ATXN7L1: variants seen among roughly 807,000 people sequenced by gnomAD.
The protein encoded by ATXN7L1 is ataxin 7 like 1.
ATXN7L1 carries 15 observed loss-of-function variants against 70.8 expected under a neutral mutation model. The ratio of observed to expected loss-of-function variants is 0.21; its 90% confidence interval spans 0.14 to 0.33. The LOEUF (loss-of-function observed/expected upper bound fraction) is 0.33. ATXN7L1 is among the 10% of genes least tolerant of loss of function. The pLI, the probability that ATXN7L1 is intolerant of heterozygous loss-of-function variation, is 1.00. For synonymous variants in ATXN7L1, 440 were observed against 445.1 expected, an observed-to-expected ratio of 0.99 and a Z score of 0.14; for missense variants, 975 against 1,097.1, an observed-to-expected ratio of 0.89 and a Z score of 1.57.
chr7:105,876,088 C>A (rs972722283), intron 1 of ATXN7L1, among the ~76,000 whole-genome samples: 6 of 152,160 alleles, frequency 3.9e-5, no homozygotes, highest in African/African-American at 1.2e-4. Context: ...AAAAACTATG[C>A]AAGCAGCAAC....
chr7:105,722,064 C>T (rs543217608), intron 3 of ATXN7L1, among the ~76,000 whole-genome samples: 47 of 152,274 alleles, frequency 3.1e-4, no homozygotes, highest in African/African-American at 1.1e-3. Context: ...AGTTGCCTGT[C>T]CCAACTGCAT....
chr7:105,666,215 G>A (rs911406890), intron 3 of ATXN7L1, among the ~76,000 whole-genome samples: 21 of 152,300 alleles, frequency 1.4e-4, no homozygotes, highest in African/African-American at 5.1e-4. Context: ...ATGATTACAG[G>A]AAGGAATCCC....
intron 7 of ATXN7L1, among the ~76,000 whole-genome samples, chr7:105,624,666 A>AAC (rs55770482): frequency 2.0e-5 from 3 of 150,714 alleles, no homozygotes; most frequent in Non-Finnish European, 4.4e-5. Context: ...AAAAAAAAAA[A>AAC]CAGCCTGATT....
chr7:105,625,966 G>A (rs1795642796), intron 7 of ATXN7L1, among the ~76,000 whole-genome samples: 1 of 152,206 alleles, frequency 6.6e-6, no homozygotes, highest in Non-Finnish European at 1.5e-5. Flanking sequence ...TTTGAAAGCT[G>A]CTCCTTCAAG....
At position 105,776,520 on chromosome 7, in the gene ATXN7L1, CA is replaced by C. The variant is rs1332356077; in HGVS notation, c.355+12083del. Among the ~76,000 whole-genome samples, 3 of 148,294 alleles carry C rather than the reference CA, an allele frequency of 2.0e-5. No homozygotes were observed. The East Asian group carries it at 5.9e-4, about 29-fold the overall frequency. On this transcript the variant is annotated intron_variant, in intron 3 of 11. Transcript: ENST00000419735. ...CCCCCCCCCAAAACAAACAAACAAA[CA>C]AAAAACAGTATATTGGGCATCAACT...
chr7:105,762,882 C>G (rs758545885), intron 3 of ATXN7L1, among the ~76,000 whole-genome samples: 54 of 152,210 alleles, frequency 3.5e-4, no homozygotes, highest in Non-Finnish European at 5.9e-4. Flanking sequence ...GGGAAGTCAA[C>G]TGCTATGCTG....
chr7:105,747,678 C>T (rs493568), intron 3 of ATXN7L1, among the ~76,000 whole-genome samples: 107,156 of 152,042 alleles, frequency 0.7, 39,157 homozygotes, highest in East Asian at 1. Context: ...GGGACTGAGT[C>T]TTGGGGACTG....
At chr7:105,860,138 TATATATATAC>T (rs759689757) in intron 2 of ATXN7L1, among the ~76,000 whole-genome samples, 4,966 of 80,856 alleles carry the variant, frequency 0.061, 311 homozygotes, top group African/African-American at 0.13. Flanking sequence ...AATATATATA[TATATATATAC>T]ATATATATAT....
intron 2 of ATXN7L1, among the ~76,000 whole-genome samples, chr7:105,799,356 T>C (rs1159836557): frequency 6.6e-6 from 1 of 151,922 alleles, no homozygotes; most frequent in Non-Finnish European, 1.5e-5. Flanking sequence ...CCCTGCTCAG[T>C]GGTAGGGGGG....
intron 5 of ATXN7L1, among the ~76,000 whole-genome samples, chr7:105,641,934 C>T (rs1339833393): frequency 6.6e-6 from 1 of 152,346 alleles, no homozygotes; most frequent in Non-Finnish European, 1.5e-5. Context: ...AAATTACCCA[C>T]AATTCCTTGG....
At chr7:105,756,864 C>T (rs79080358) in intron 3 of ATXN7L1, among the ~76,000 whole-genome samples, 19 of 152,222 alleles carry the variant, frequency 1.2e-4, no homozygotes, top group South Asian at 2.1e-4. Context: ...TCCAGAGCTA[C>T]GGCACCTACA....
At chr7:105,830,134 C>T (rs943275091) in intron 2 of ATXN7L1, among the ~76,000 whole-genome samples, 3 of 152,280 alleles carry the variant, frequency 2.0e-5, no homozygotes, top group South Asian at 4.1e-4. Flanking sequence ...TACTAGGTCA[C>T]GACAAGTATA....
chr7:105,732,606 T>C (rs184577334), intron 3 of ATXN7L1, among the ~76,000 whole-genome samples: 1 of 152,246 alleles, frequency 6.6e-6, no homozygotes, highest in East Asian at 1.9e-4. Flanking sequence ...AGTATGCAGT[T>C]GTTCTGAGTG....
At chr7:105,745,230 A>T (rs1798448105) in intron 3 of ATXN7L1, among the ~76,000 whole-genome samples, 1 of 152,182 alleles carries the variant, frequency 6.6e-6, no homozygotes, top group South Asian at 2.1e-4. Context: ...GGAAAAAATT[A>T]AAAATATAAA....
chr7:105,820,725 C>T (rs928036505), intron 2 of ATXN7L1, among the ~76,000 whole-genome samples: 1 of 152,074 alleles, frequency 6.6e-6, no homozygotes, highest in African/African-American at 2.4e-5. Context: ...ATGTGATTCC[C>T]AATGTTGAAG....
intron 3 of ATXN7L1, among the ~76,000 whole-genome samples, chr7:105,666,168 C>G (rs1584613757): frequency 1.3e-5 from 2 of 152,128 alleles, no homozygotes; most frequent in Non-Finnish European, 2.9e-5. Context: ...AAGAACCCAG[C>G]AAAACACACT....
At chr7:105,839,914 T>G (rs1429484724) in intron 2 of ATXN7L1, among the ~76,000 whole-genome samples, 2 of 152,256 alleles carry the variant, frequency 1.3e-5, no homozygotes, top group Non-Finnish European at 2.9e-5. Context: ...AAATGTGCTA[T>G]GTAAACAGAT....
At chr7:105,703,165 G>C (rs765967959) in intron 3 of ATXN7L1, among the ~76,000 whole-genome samples, 1 of 152,000 alleles carries the variant, frequency 6.6e-6, no homozygotes, top group Non-Finnish European at 1.5e-5. Context: ...TTAGCTGGGC[G>C]TGGTGGCAGG....
chr7:105,859,846 G>A (rs187949814), intron 2 of ATXN7L1, among the ~76,000 whole-genome samples: 1 of 142,648 alleles, frequency 7.0e-6, no homozygotes, highest in Admixed American at 7.3e-5. Flanking sequence ...GCAGTGGCAC[G>A]ATCTCAGCTC....
Sources: allele counts gnomAD v4.1 joint callset (sites outside exome capture counted in the v4.1 genomes callset), GRCh38; gene constraint gnomAD v4.1.1; transcripts MANE v1.5; gene names NCBI Gene and HGNC (gene_info 2026-07-23, HGNC 2026-07-21).